MOV10: variants seen among roughly 807,000 people sequenced by gnomAD.
MOV10 encodes the protein RNA helicase MOV-10.
In MOV10, 39 loss-of-function variants were observed where a neutral mutation model predicts 108.4. The observed-to-expected ratio is 0.36, with a 90% CI of 0.28 to 0.47. MOV10 has a LOEUF of 0.47. Ranked by LOEUF, MOV10 falls within the 20% of genes least tolerant of loss-of-function variation. The pLI, the probability that MOV10 is intolerant of heterozygous loss-of-function variation, is 1.00. For synonymous variants in MOV10, 490 were observed against 523.1 expected (o/e 0.94, Z 0.86); for missense variants, 952 against 1,297.6 (o/e 0.73, Z 4.09).
At chr1:112,693,045 A>G (rs1369880768) in intron 7 of MOV10, 116 bp downstream of exon 7, 2 of 997,654 alleles carry the variant, frequency 2.0e-6, no homozygotes, top group South Asian at 1.6e-5. Flanking sequence ...AGTGGTTCCC[A>G]GGGCTCCGCA....
At position 112,675,751 on chromosome 1, in the gene MOV10, A is replaced by G. The variant is rs1672156585; in HGVS notation, c.137+702A>G. On this transcript the variant is annotated intron_variant, in intron 2 of 20. Coordinates refer to ENST00000369645, the MANE Select transcript of MOV10 (RefSeq NM_001321324.2). The surrounding 1 kb of genome is among the most constrained non-coding windows in gnomAD (Gnocchi z 4.7). ...CCTGCTACCACCCAAGTGAAAATCA[A>G]AGAGTCTTCTGTCACACCACAGAAT... is the stretch of plus-strand genomic sequence containing the variant. Among the ~76,000 whole-genome samples, 1 of 152,162 alleles carries G rather than the reference A, an allele frequency of 6.6e-6. No individual in the cohort carries two copies. The highest frequency in any genetic ancestry group is 1.5e-5 in the Non-Finnish European group (1 of 68,024).
chr1:112,696,303 T>C, intron 12 of MOV10, 52 bp downstream of exon 12: 1 of 1,470,000 alleles, frequency 6.8e-7, no homozygotes. Flanking sequence ...ATTAAAGGGG[T>C]ACCGGGCTGG....
chr1:112,680,386 G>C (rs541639049), intron 2 of MOV10, among the ~76,000 whole-genome samples: 1 of 152,076 alleles, frequency 6.6e-6, no homozygotes, highest in African/African-American at 2.4e-5. Flanking sequence ...GCCGGGCGCG[G>C]TGGCTCACGC....
chr1:112,674,689 G>C lies in MOV10; in HGVS notation c.-106G>C, dbSNP rs3748655. ...CTTTAGGAAAGAGTTAATGCGAAGA[G>C]GGGGAGGGGATAGGACGAAGAAACC... On this transcript the variant is annotated 5_prime_UTR_variant, in exon 1 of 21. Transcript: ENST00000369645. 67,872 of 471,110 alleles carry C rather than the reference G, an allele frequency of 0.14. 5,787 individuals carry two copies. The highest frequency in any genetic ancestry group is 0.16 in the Non-Finnish European group (42,597 of 268,986). The allele number at this position is 471,110 out of a possible 1,614,324, so 29.2% of individuals were successfully genotyped here.
chr1:112,689,794 G>T, intron 4 of MOV10, 46 bp from the exon 5 acceptor site: 1 of 1,600,782 alleles, frequency 6.2e-7, no homozygotes, highest in Non-Finnish European at 8.5e-7. Context: ...ATAAGGATAT[G>T]GGTGGGAGGG....
Position 112,680,386 on chromosome 1 carries a change from G to A in MOV10, c.137+5337G>A, listed in dbSNP as rs541639049. Reference sequence around the variant, plus strand: ...TAAAAATACTTTTGGGCCGGGCGCGGTGGCTCACGCCTGTAATCCCAGCAC... The same window carrying A: ...TAAAAATACTTTTGGGCCGGGCGCGATGGCTCACGCCTGTAATCCCAGCAC... On this transcript the variant is annotated intron_variant, in intron 2 of 20. Coordinates refer to ENST00000369645, the MANE Select transcript of MOV10 (RefSeq NM_001321324.2). Among the ~76,000 whole-genome samples, 9 of 152,194 alleles carry A rather than the reference G, an allele frequency of 5.9e-5. No homozygotes were observed. In the East Asian group the frequency reaches 1.4e-3, roughly 23 times the overall value.
chr1:112,692,652 C>T (rs931338109), intron 6 of MOV10, 109 bp from the exon 7 acceptor site: 40 of 1,410,922 alleles, frequency 2.8e-5, no homozygotes, highest in Middle Eastern at 2.2e-4. Flanking sequence ...TGCTTTTTGA[C>T]GCTAGTTCCA....
intron 3 of MOV10, 30 bp from the exon 4 acceptor site, chr1:112,689,385 C>CA: frequency 1.4e-5 from 17 of 1,182,954 alleles, no homozygotes; most frequent in Non-Finnish European, 2.0e-5. Flanking sequence ...GCTCCCACCC[C>CA]AACCCCCCCT....
In MOV10 at chr1:112,694,645, G is replaced by C; in HGVS notation, c.1472+16G>C. ...TGAAACTCAAGTGAGACTGTGGGCA[G>C]GGAGCTTCTGGAGCCACTTGGAGTG... On this transcript the variant is annotated intron_variant, in intron 9 of 20. Coordinates refer to ENST00000369645, the MANE Select transcript of MOV10 (RefSeq NM_001321324.2). The surrounding 1 kb of genome is among the most constrained non-coding windows in gnomAD (Gnocchi z 4.1). The C allele has an allele frequency of 1.3e-6, 2 of 1,592,776 alleles. No homozygotes were observed. The highest frequency in any genetic ancestry group is 1.7e-6 in the Non-Finnish European group (2 of 1,167,828).
chr1:112,697,593 C>T (rs1238808936), intron 14 of MOV10, among the ~76,000 whole-genome samples: 1 of 152,132 alleles, frequency 6.6e-6, no homozygotes, highest in African/African-American at 2.4e-5. Context: ...AAGTTTTATG[C>T]TGTCACTAAG....
At chr1:112,676,482 C>T (rs1485776169) in intron 2 of MOV10, among the ~76,000 whole-genome samples, 1 of 152,160 alleles carries the variant, frequency 6.6e-6, no homozygotes, top group Non-Finnish European at 1.5e-5. Flanking sequence ...GCTGACTTGA[C>T]TCAAGGCTAT....
At position 112,696,759 on chromosome 1, in the gene MOV10, AGCGGCTGCTC is replaced by A; in HGVS notation, c.2112_2121del (p.Arg705ProfsTer18). 2 of 1,605,730 alleles carry A rather than the reference AGCGGCTGCTC, an allele frequency of 1.2e-6. No individual in the cohort carries two copies. Among genetic ancestry groups the A allele is most frequent in the Non-Finnish European group, 1.7e-6 (2 of 1,175,902 alleles). On this transcript the variant is annotated frameshift_variant, in exon 14 of 21. Coordinates refer to ENST00000369645, the MANE Select transcript of MOV10 (RefSeq NM_001321324.2). LOFTEE classifies it high-confidence loss of function. ...CATGGACTGGGATACTCACTGCTGG[AGCGGCTGCTC>A]ACCTACAACTCCCTGTACAAGAAGG...
At chr1:112,698,831 C>T in intron 17 of MOV10, 42 bp downstream of exon 17, 1 of 1,533,730 alleles carries the variant, frequency 6.5e-7, no homozygotes. Flanking sequence ...TTCCGTGTGC[C>T]CCCACTTGCC....
At chr1:112,699,646 C>T (rs769847152) in intron 17 of MOV10, 39 bp from the exon 18 acceptor site, 8 of 1,613,404 alleles carry the variant, frequency 5.0e-6, no homozygotes, top group African/African-American at 2.7e-5. Context: ...CCCTTTGACA[C>T]CCCTGGCTGG....
At chr1:112,693,131 G>C (rs977111603) in intron 7 of MOV10, among the ~76,000 whole-genome samples, 1 of 152,194 alleles carries the variant, frequency 6.6e-6, no homozygotes, top group African/African-American at 2.4e-5. Context: ...TCTAGTCCAG[G>C]CTTTGCTACC....
intron 2 of MOV10, chr1:112,687,191 T>C (rs975131359): frequency 5.9e-6 from 2 of 339,308 alleles, no homozygotes; most frequent in African/African-American, 4.3e-5. Flanking sequence ...GTAGCTAACA[T>C]TTACTGAGCA....
upstream of MOV10, chr1:112,674,571 A>T (rs1672026334): frequency 1.1e-5 from 2 of 188,628 alleles, no homozygotes; most frequent in East Asian, 1.5e-4. Flanking sequence ...GGCTGTTCAG[A>T]GGGCCCCAAG....
At chr1:112,697,475 A>C (rs901727450) in intron 14 of MOV10, among the ~76,000 whole-genome samples, 2 of 152,208 alleles carry the variant, frequency 1.3e-5, no homozygotes, top group Non-Finnish European at 2.9e-5. Context: ...ATCTCAAAAA[A>C]AGAAAGAAAA....
chr1:112,698,863 GC>G (rs1463366428), intron 17 of MOV10, 74 bp downstream of exon 17: 48 of 1,303,012 alleles, frequency 3.7e-5, no homozygotes, highest in Non-Finnish European at 4.9e-5. Flanking sequence ...ACTTCCTCAA[GC>G]TTCCACTCCA....
Sources: allele counts gnomAD v4.1 joint callset (sites outside exome capture counted in the v4.1 genomes callset), GRCh38; gene constraint gnomAD v4.1.1; non-coding constraint Gnocchi (gnomAD v3.1); transcripts MANE v1.5; gene names NCBI Gene and HGNC (gene_info 2026-07-23, HGNC 2026-07-21).